The following AGMO variants were observed in gnomAD, a reference collection of about 807,000 sequenced individuals.
AGMO encodes glyceryl-ether monooxygenase.
AGMO carries 75 observed loss-of-function variants against 60.2 expected under a neutral mutation model. The ratio of observed to expected loss-of-function variants is 1.25; its 90% CI spans 1.03 to 1.51. The LOEUF (loss-of-function observed/expected upper bound fraction) is 1.51, where lower values mean the gene tolerates loss of function less well. AGMO is among the 40% of genes most tolerant of loss of function. The pLI is 0.00. For missense variants in AGMO, 763 were observed against 525.5 expected, an observed-to-expected ratio of 1.45 and a Z score of -4.42; for synonymous variants, 261 against 177.1, an observed-to-expected ratio of 1.47 and a Z score of -3.76.
At chr7:15,350,132 C>A (rs1782186551) in intron 12 of AGMO, among the ~76,000 whole-genome samples, 1 of 152,064 alleles carries the variant, frequency 6.6e-6, no homozygotes, top group African/African-American at 2.4e-5. Flanking sequence ...TTTCTGGAAC[C>A]TGGGTCCAGT....
chr7:15,344,547 A>G (rs999019227), intron 12 of AGMO, among the ~76,000 whole-genome samples: 1 of 151,962 alleles, frequency 6.6e-6, no homozygotes, highest in Non-Finnish European at 1.5e-5. Flanking sequence ...AAAATACAAA[A>G]ATTAGCCAGG....
chr7:15,397,221 C>T (rs1318005853), intron 5 of AGMO, among the ~76,000 whole-genome samples: 1 of 152,152 alleles, frequency 6.6e-6, no homozygotes, highest in Non-Finnish European at 1.5e-5. Context: ...CCTACGACCC[C>T]GCGAAGAGGG....
chr7:15,544,923 A>C lies in AGMO; in HGVS notation c.258T>G (p.Ser86Arg). 6.6e-7 allele frequency: 1 copy of C among 1,517,050 alleles called. No individual in the cohort carries two copies. The highest frequency in any genetic ancestry group is 8.9e-7 in the Non-Finnish European group (1 of 1,129,482). The allele number at this position is 1,517,050 out of a possible 1,614,324, so 94.0% of individuals were successfully genotyped here. The change falls in exon 3 of 13, where the codon AGT becomes AGG. Residue 86 changes from serine to arginine, a missense_variant and splice_region_variant. Physicochemically the swap from Ser to Arg is moderately radical, Grantham distance 110 (BLOSUM62 -1). Coordinates refer to ENST00000342526, the MANE Select transcript of AGMO (RefSeq NM_001004320.2). Reference protein sequence around the residue: ...ISAGVLSRLPSLFFRSIELTS... With the variant: ...ISAGVLSRLPRLFFRSIELTS... ...TCAGTTCAATGCTCCTGAAAAATAGACTGGAAGATAAAATTCACAATCAGT... is the reference window on the plus strand; with the variant it reads ...TCAGTTCAATGCTCCTGAAAAATAGCCTGGAAGATAAAATTCACAATCAGT...
intron 3 of AGMO, among the ~76,000 whole-genome samples, chr7:15,447,692 A>G (rs931852442): frequency 1.3e-5 from 2 of 151,962 alleles, no homozygotes; most frequent in African/African-American, 4.8e-5. Flanking sequence ...CTGGGACTAC[A>G]GACACACGCC....
At chr7:15,342,732 A>G (rs1322914328) in intron 12 of AGMO, among the ~76,000 whole-genome samples, 1 of 148,020 alleles carries the variant, frequency 6.8e-6, no homozygotes, top group Admixed American at 6.9e-5. Flanking sequence ...TTTTCTGATC[A>G]ACATAGTCAA....
chr7:15,504,986 T>A (rs1202166116), intron 3 of AGMO, among the ~76,000 whole-genome samples: 1 of 151,928 alleles, frequency 6.6e-6, no homozygotes, highest in Non-Finnish European at 1.5e-5. Flanking sequence ...CTTTGAAGTA[T>A]TTTTTTCTTT....
chr7:15,379,711 C>T (rs1783599964), intron 10 of AGMO, among the ~76,000 whole-genome samples: 2 of 151,594 alleles, frequency 1.3e-5, no homozygotes, highest in Admixed American at 6.6e-5. Flanking sequence ...TGAAACTATT[C>T]CAAAAACTTC....
At chr7:15,345,749 C>T (rs1029697291) in intron 12 of AGMO, among the ~76,000 whole-genome samples, 1 of 152,104 alleles carries the variant, frequency 6.6e-6, no homozygotes, top group East Asian at 1.9e-4. Flanking sequence ...TTATTATCTG[C>T]AGAAAGCTTG....
chr7:15,266,401 C>A (rs971325268), intron 12 of AGMO, among the ~76,000 whole-genome samples: 157 of 151,090 alleles, frequency 1.0e-3, no homozygotes, highest in Non-Finnish European at 1.8e-3. Flanking sequence ...ATGGAAAAAG[C>A]AAAAAAAAGT....
chr7:15,247,386 C>T (rs1174885701), intron 12 of AGMO, among the ~76,000 whole-genome samples: 1 of 145,658 alleles, frequency 6.9e-6, no homozygotes, highest in African/African-American at 2.5e-5. Flanking sequence ...GTTATAGTTA[C>T]ATTTTGTTAA....
intron 3 of AGMO, among the ~76,000 whole-genome samples, chr7:15,443,494 T>G (rs1022683894): frequency 2.0e-5 from 3 of 152,226 alleles, no homozygotes; most frequent in Non-Finnish European, 4.4e-5. Context: ...CAAGATTTCA[T>G]TATTGTTTTT....
chr7:15,263,512 G>C (rs1481523835), intron 12 of AGMO, among the ~76,000 whole-genome samples: 1 of 152,084 alleles, frequency 6.6e-6, no homozygotes, highest in East Asian at 1.9e-4. Context: ...ACAGTGTGGA[G>C]ACACCTTAAA....
At chr7:15,144,091 T>G in the AGMO span, among the ~76,000 whole-genome samples, 1 of 152,200 alleles carries the variant, frequency 6.6e-6, no homozygotes, top group Non-Finnish European at 1.5e-5. Context: ...TATGCATCAG[T>G]GTTAAATCTG....
At chr7:15,363,336 T>G (rs141496595) in intron 12 of AGMO, among the ~76,000 whole-genome samples, 180 of 152,260 alleles carry the variant, frequency 1.2e-3, no homozygotes, top group African/African-American at 4.3e-3. Context: ...TCATATAAAA[T>G]AACAGTAACA....
chr7:15,206,245 T>C lies in AGMO; in HGVS notation c.1264-4886A>G, dbSNP rs370316568. 2.8e-4 allele frequency among the ~76,000 whole-genome samples: 42 copies of C among 152,106 alleles called. No homozygotes were observed. The East Asian group carries it at 7.1e-3, about 26-fold the overall frequency. On this transcript the variant is annotated intron_variant, in intron 12 of 12. Coordinates refer to ENST00000342526, the MANE Select transcript of AGMO (RefSeq NM_001004320.2). Reference sequence around the variant, plus strand: ...GAAACATCAGAAATACATTAGATAATTATAGATTTTTTTTCTAGAATTTTG... The same window carrying C: ...GAAACATCAGAAATACATTAGATAACTATAGATTTTTTTTCTAGAATTTTG...
chr7:15,414,790 A>G (rs1429624614), intron 5 of AGMO, among the ~76,000 whole-genome samples: 2 of 152,220 alleles, frequency 1.3e-5, no homozygotes, highest in Admixed American at 6.5e-5. Context: ...ACTGACATAA[A>G]GGGAAACAAA....
chr7:15,128,368 G>C, the AGMO span, among the ~76,000 whole-genome samples: 3 of 152,088 alleles, frequency 2.0e-5, no homozygotes, highest in Admixed American at 2.0e-4. Context: ...CAGTACAATA[G>C]AAGATATGCT....
At chr7:15,404,222 T>G (rs1359762237) in intron 5 of AGMO, among the ~76,000 whole-genome samples, 1 of 151,882 alleles carries the variant, frequency 6.6e-6, no homozygotes, top group Non-Finnish European at 1.5e-5. Context: ...TAGGTTATGT[T>G]TATACAATAA....
At chr7:15,503,179 G>C (rs1783430743) in intron 3 of AGMO, among the ~76,000 whole-genome samples, 1 of 151,878 alleles carries the variant, frequency 6.6e-6, no homozygotes, top group Non-Finnish European at 1.5e-5. Context: ...GGATAGATGA[G>C]ATGAGCCAGG....
Sources: allele counts gnomAD v4.1 joint callset (sites outside exome capture counted in the v4.1 genomes callset), GRCh38; gene constraint gnomAD v4.1.1; transcripts MANE v1.5; gene names NCBI Gene and HGNC (gene_info 2026-07-23, HGNC 2026-07-21).